NCAM2: variants seen among roughly 807,000 people sequenced by gnomAD.
NCAM2 encodes N-CAM-2.
In NCAM2, 30 loss-of-function variants were observed where a neutral mutation model predicts 98.1. The ratio of observed to expected loss-of-function variants is 0.31; its 90% CI spans 0.23 to 0.41. NCAM2 has a LOEUF of 0.41. Ranked by LOEUF, NCAM2 falls within the 10% of genes least tolerant of loss-of-function variation. The pLI, the probability that NCAM2 is intolerant of heterozygous loss-of-function variation, is 1.00. For synonymous variants in NCAM2, 368 were observed against 342.4 expected (o/e 1.07, Z -0.83); for missense variants, 867 against 1,005.8 (o/e 0.86, Z 1.87).
intron 1 of NCAM2, among the ~76,000 whole-genome samples, chr21:21,131,125 TA>T (rs2066923940): frequency 6.6e-6 from 1 of 152,310 alleles, no homozygotes; most frequent in East Asian, 1.9e-4. Flanking sequence ...CAAGGTGTGT[TA>T]ACACTTATGA....
intron 9 of NCAM2, among the ~76,000 whole-genome samples, chr21:21,407,772 T>C (rs1022442263): frequency 1.3e-5 from 2 of 152,224 alleles, no homozygotes; most frequent in Non-Finnish European, 2.9e-5. Context: ...AATTATATTT[T>C]CCTTAATCCT....
At chr21:21,110,611 G>GAAAA (rs2066435076) in intron 1 of NCAM2, among the ~76,000 whole-genome samples, 1 of 150,340 alleles carries the variant, frequency 6.7e-6, no homozygotes, top group Admixed American at 6.6e-5. Flanking sequence ...GTAGTTTCAT[G>GAAAA]GATCTTTTCA....
intron 10 of NCAM2, among the ~76,000 whole-genome samples, chr21:21,417,594 C>CTATTACTA (rs1222892748): frequency 6.6e-6 from 1 of 152,024 alleles, no homozygotes; most frequent in African/African-American, 2.4e-5. Flanking sequence ...AAAATTATAT[C>CTATTACTA]TATTACTATC....
intron 1 of NCAM2, among the ~76,000 whole-genome samples, chr21:21,272,502 G>A (rs976218945): frequency 1.8e-5 from 1 of 55,614 alleles, no homozygotes; most frequent in East Asian, 9.7e-4. Context: ...ACACATGCGC[G>A]CGCGCGCACA....
intron 1 of NCAM2, among the ~76,000 whole-genome samples, chr21:21,101,063 AT>A (rs766993906): frequency 2.6e-4 from 40 of 152,064 alleles, no homozygotes; most frequent in Non-Finnish European, 4.7e-4. Flanking sequence ...CATATTGTCT[AT>A]TTTGTGAGGT....
intron 16 of NCAM2, among the ~76,000 whole-genome samples, chr21:21,530,175 T>TATATATGATTTAATTTAATTTAATC (rs1989563480): frequency 8.7e-6 from 1 of 115,344 alleles, no homozygotes; most frequent in African/African-American, 3.4e-5. Flanking sequence ...TTAATTTAAT[T>TATATATGATTTAATTTAATTTAATC]ATATATGATT....
At chr21:21,319,837 G>A (rs1004473693) in intron 5 of NCAM2, among the ~76,000 whole-genome samples, 3 of 152,080 alleles carry the variant, frequency 2.0e-5, no homozygotes, top group Non-Finnish European at 4.4e-5. Context: ...ATGCAACAAA[G>A]CATCAGTTAA....
intron 7 of NCAM2, among the ~76,000 whole-genome samples, chr21:21,338,181 G>A (rs1028984): frequency 0.8 from 122,191 of 152,052 alleles, 49,285 homozygotes; most frequent in East Asian, 0.99. Context: ...TTGTATAATG[G>A]TAACAGATGA....
At chr21:21,385,821 T>G (rs2076259602) in intron 9 of NCAM2, 1 of 181,798 alleles carries the variant, frequency 5.5e-6, no homozygotes, top group South Asian at 1.9e-4. Context: ...CATTACATAG[T>G]AACTATTAAT....
intron 11 of NCAM2, among the ~76,000 whole-genome samples, chr21:21,420,334 TTTAC>T (rs1292068949): frequency 6.6e-6 from 1 of 151,980 alleles, no homozygotes; most frequent in Non-Finnish European, 1.5e-5. Context: ...CCAGATATTG[TTTAC>T]TTATTTATAA....
Position 21,248,093 on chromosome 21 carries a change from G to A in NCAM2, c.56-32485G>A, listed in dbSNP as rs570968807. Among the ~76,000 whole-genome samples the A allele has an allele frequency of 4.7e-5, 7 of 148,320 alleles. No individual in the cohort carries two copies. The East Asian group carries it at 1.0e-3, about 21-fold the overall frequency. ...ATAGACAATAATATTATATAAGTAT[G>A]TGTATAAATAAGTAAACTCTACATG... On this transcript the variant is annotated intron_variant, in intron 1 of 17. Transcript: ENST00000400546.
intron 12 of NCAM2, among the ~76,000 whole-genome samples, chr21:21,455,475 A>C (rs1278292774): frequency 6.6e-6 from 1 of 151,938 alleles, no homozygotes; most frequent in Non-Finnish European, 1.5e-5. Context: ...AGGTTCTATG[A>C]CATGCTCATA....
rs77110503 is a variant in NCAM2 at position 21,154,891 on chromosome 21, C to T, written c.56-125687C>T. Among the ~76,000 whole-genome samples the T allele has an allele frequency of 9.7e-3, 1,466 of 151,756 alleles. 60 individuals are homozygous for T. In the East Asian group the frequency reaches 0.15, roughly 15 times the overall value. On this transcript the variant is annotated intron_variant, in intron 1 of 17. Transcript: ENST00000400546. ...GAAAAATATTAGACATACAAGAAGC[C>T]GTACCACCATCTGGAAAAGTAGTAG...
intron 16 of NCAM2, among the ~76,000 whole-genome samples, chr21:21,519,263 G>A (rs1988881309): frequency 6.6e-6 from 1 of 152,120 alleles, no homozygotes; most frequent in Non-Finnish European, 1.5e-5. Context: ...TTGCTATTGT[G>A]TGAAGAATGG....
At chr21:21,351,366 G>T (rs898488925) in intron 8 of NCAM2, among the ~76,000 whole-genome samples, 9 of 151,956 alleles carry the variant, frequency 5.9e-5, no homozygotes, top group Admixed American at 6.6e-5. Flanking sequence ...TAGAAATTTG[G>T]CATTTTCTTA....
intron 9 of NCAM2, among the ~76,000 whole-genome samples, chr21:21,401,725 T>C (rs898102337): frequency 6.6e-6 from 1 of 152,210 alleles, no homozygotes; most frequent in Non-Finnish European, 1.5e-5. Context: ...TTTCATGTCT[T>C]GACTATTGTG....
At chr21:21,430,115 A>G (rs1429450866) in intron 11 of NCAM2, among the ~76,000 whole-genome samples, 3 of 151,632 alleles carry the variant, frequency 2.0e-5, no homozygotes, top group Admixed American at 6.6e-5. Context: ...TGCAACTTCT[A>G]CCTCCTGGGT....
chr21:21,513,143 A>T (rs536424459), intron 16 of NCAM2, among the ~76,000 whole-genome samples: 1 of 152,250 alleles, frequency 6.6e-6, no homozygotes, highest in East Asian at 1.9e-4. Flanking sequence ...GAAAGTAGAC[A>T]TCCTTGTCTT....
chr21:21,348,410 A>G (rs1225989988), intron 8 of NCAM2, among the ~76,000 whole-genome samples: 1 of 152,218 alleles, frequency 6.6e-6, no homozygotes, highest in East Asian at 1.9e-4. Flanking sequence ...ATGTATCTAT[A>G]ATGAAAACTT....
Sources: allele counts gnomAD v4.1 joint callset (sites outside exome capture counted in the v4.1 genomes callset), GRCh38; gene constraint gnomAD v4.1.1; transcripts MANE v1.5; gene names NCBI Gene and HGNC (gene_info 2026-07-23, HGNC 2026-07-21).